The following STK3 variants were observed in gnomAD, a reference collection of about 807,000 sequenced individuals.
The protein encoded by STK3 is serine/threonine kinase 3.
In STK3, 41 loss-of-function variants were observed where a neutral mutation model predicts 58.0. The ratio of observed to expected loss-of-function variants is 0.71; its 90% confidence interval spans 0.55 to 0.92. The LOEUF is 0.92. STK3 is among the 40% of genes least tolerant of loss of function. STK3 has a pLI of 0.00. For missense variants in STK3, 479 were observed against 602.7 expected, an observed-to-expected ratio of 0.79 and a Z score of 2.15; for synonymous variants, 170 against 191.0, an observed-to-expected ratio of 0.89 and a Z score of 0.91.
chr8:98,475,988 CTATT>C (rs1241754420), intron 10 of STK3, among the ~76,000 whole-genome samples: 1 of 152,100 alleles, frequency 6.6e-6, no homozygotes, highest in Non-Finnish European at 1.5e-5. Flanking sequence ...TTAAAGCAAA[CTATT>C]TAGGACTATA....
At chr8:98,828,456 A>AAAAAAAAC (rs1564043633), upstream of STK3, among the ~76,000 whole-genome samples, 24 of 150,504 alleles carry the variant, frequency 1.6e-4, no homozygotes, top group African/African-American at 5.9e-4. Flanking sequence ...AAAAAAAAAA[A>AAAAAAAAC]AAAAAAAAAC....
intron 7 of STK3, among the ~76,000 whole-genome samples, chr8:98,592,972 C>A (rs978015257): frequency 6.6e-6 from 1 of 152,034 alleles, no homozygotes; most frequent in African/African-American, 2.4e-5. Context: ...CTATGTTGGC[C>A]AGGCTGGTCT....
chr8:98,398,848 G>A (rs756518009), downstream of STK3, among the ~76,000 whole-genome samples: 2 of 152,122 alleles, frequency 1.3e-5, no homozygotes, highest in Admixed American at 1.3e-4. Flanking sequence ...TGGCCAAAAC[G>A]CCTTTCTCTG....
intron 8 of STK3, chr8:98,553,545 C>G (rs377749438): frequency 6.6e-6 from 1 of 152,018 alleles, no homozygotes; most frequent in Admixed American, 6.6e-5. Context: ...CATAGAATAG[C>G]TATTAAAGAT....
At chr8:98,393,282 C>A (rs1817865193) in intron 3 of STK3, among the ~76,000 whole-genome samples, 1 of 152,170 alleles carries the variant, frequency 6.6e-6, no homozygotes, top group South Asian at 2.1e-4. Flanking sequence ...AGGGATGACT[C>A]TGAGTGACCC....
rs575361059 is a variant in STK3, at chr8:98,884,627, T to A, written c.-78-793A>T. On this transcript the variant is annotated intron_variant, in intron 1 of 1. Coordinates refer to the STK3 transcript ENST00000519420. ...TATGTTGAAATGCGAGCCCCCAAGA[T>A]GACAGCATTAGGAGCTAGGGCTTTT... Among the ~76,000 whole-genome samples the A allele has an allele frequency of 2.6e-5, 4 of 152,326 alleles. No homozygotes were observed. The East Asian group carries it at 7.7e-4, about 29-fold the overall frequency.
downstream of STK3, among the ~76,000 whole-genome samples, chr8:98,454,225 C>T (rs1423909499): frequency 6.6e-6 from 1 of 152,196 alleles, no homozygotes; most frequent in African/African-American, 2.4e-5. Context: ...GTTCTCTCCC[C>T]TCCAGCTACG....
intron 4 of STK3, among the ~76,000 whole-genome samples, chr8:98,729,618 A>C (rs1828030542): frequency 6.6e-6 from 1 of 152,240 alleles, no homozygotes; most frequent in Non-Finnish European, 1.5e-5. Flanking sequence ...AAATGCAAAG[A>C]CACTTTTATC....
intron 4 of STK3, among the ~76,000 whole-genome samples, chr8:98,738,712 T>A (rs1828859051): frequency 6.6e-6 from 1 of 152,122 alleles, no homozygotes; most frequent in Non-Finnish European, 1.5e-5. Context: ...CAGGTTCATC[T>A]CACTAGAGAG....
chr8:98,697,207 C>T lies in STK3; in HGVS notation c.684+9260G>A, dbSNP rs1825033970. Among the ~76,000 whole-genome samples the T allele has an allele frequency of 2.0e-5, 3 of 152,142 alleles. No individual in the cohort carries two copies. In the South Asian group the frequency reaches 6.2e-4, roughly 32 times the overall value. On this transcript the variant is annotated intron_variant, in intron 6 of 10. Coordinates refer to ENST00000419617, the MANE Select transcript of STK3 (RefSeq NM_006281.4). ...TTCTGTGGGATTGGTGGTGATTTCACCTTTATCATTTTTTATTGTGTCTAT... is the reference window on the plus strand; with the variant it reads ...TTCTGTGGGATTGGTGGTGATTTCATCTTTATCATTTTTTATTGTGTCTAT...
At chr8:98,566,156 G>A (rs1238578596) in intron 8 of STK3, among the ~76,000 whole-genome samples, 1 of 151,870 alleles carries the variant, frequency 6.6e-6, no homozygotes, top group Non-Finnish European at 1.5e-5. Flanking sequence ...AATTCATAAG[G>A]CACTATTTCC....
At chr8:98,370,167 C>T (rs1194735846), downstream of STK3, among the ~76,000 whole-genome samples, 1 of 150,430 alleles carries the variant, frequency 6.6e-6, no homozygotes, top group East Asian at 2.0e-4. Flanking sequence ...AAGCCTCTCC[C>T]TAACACCAGT....
At chr8:98,551,754 C>T (rs1002822381) in intron 8 of STK3, among the ~76,000 whole-genome samples, 1 of 152,106 alleles carries the variant, frequency 6.6e-6, no homozygotes, top group African/African-American at 2.4e-5. Context: ...CCCGAATATG[C>T]ACATTGTTTT....
At chr8:98,354,238 C>T in the STK3 span, among the ~76,000 whole-genome samples, 34,168 of 152,062 alleles carry the variant, frequency 0.22, 4,243 homozygotes, top group African/African-American at 0.31. Context: ...TTAGTTGGAG[C>T]CAGGGTAATG....
At chr8:98,350,834 A>G in the STK3 span, among the ~76,000 whole-genome samples, 1 of 152,214 alleles carries the variant, frequency 6.6e-6, no homozygotes, top group Non-Finnish European at 1.5e-5. Context: ...AACATGTGGG[A>G]ATTATGGGAG....
chr8:98,417,013 C>A (rs971810672), intron 3 of STK3, among the ~76,000 whole-genome samples: 6 of 152,170 alleles, frequency 3.9e-5, no homozygotes, highest in Admixed American at 1.3e-4. Context: ...CAGCTGTGAC[C>A]CTTCCAGGCT....
intron 6 of STK3, among the ~76,000 whole-genome samples, chr8:98,648,422 A>G (rs1341822697): frequency 6.6e-6 from 1 of 152,222 alleles, no homozygotes; most frequent in African/African-American, 2.4e-5. Context: ...GCTTTGAAAA[A>G]TGCATATATC....
chr8:98,716,475 A>G (rs552159628), intron 4 of STK3, among the ~76,000 whole-genome samples: 10 of 152,200 alleles, frequency 6.6e-5, no homozygotes. Flanking sequence ...TTCACCAAGG[A>G]GGTGAAATAT....
intron 9 of STK3, among the ~76,000 whole-genome samples, chr8:98,544,057 G>T (rs574942302): frequency 6.6e-6 from 1 of 152,246 alleles, no homozygotes; most frequent in African/African-American, 2.4e-5. Context: ...ATGAAATAAT[G>T]AAATATAGCC....
Sources: allele counts gnomAD v4.1 joint callset (sites outside exome capture counted in the v4.1 genomes callset), GRCh38; gene constraint gnomAD v4.1.1; transcripts MANE v1.5; gene names NCBI Gene and HGNC (gene_info 2026-07-23, HGNC 2026-07-21).